The following RNF43 variants were observed in gnomAD, a reference collection of about 807,000 sequenced individuals.
RNF43 encodes ring finger protein 43, also known as E3 ubiquitin-protein ligase RNF43.
In RNF43, 37 loss-of-function variants were observed where a neutral mutation model predicts 78.4. The observed-to-expected ratio is 0.47, with a 90% CI of 0.36 to 0.62. The LOEUF is 0.62. Ranked by LOEUF, RNF43 falls within the 20% of genes least tolerant of loss-of-function variation. RNF43 has a pLI of 0.00. For synonymous variants in RNF43, 347 were observed against 395.0 expected, an observed-to-expected ratio of 0.88 and a Z score of 1.44; for missense variants, 774 against 1,007.9, an observed-to-expected ratio of 0.77 and a Z score of 3.14.
Position 58,358,044 on chromosome 17 carries a change from A to T in RNF43, c.1732T>A (p.Ser578Thr), listed in dbSNP as rs2143401879. 6.3e-7 allele frequency: 1 copy of T among 1,590,530 alleles called. No homozygotes were observed. The highest frequency in any genetic ancestry group is 8.6e-7 in the Non-Finnish European group (1 of 1,168,792). Residue 578 changes from serine (S) to threonine (T), a missense_variant, in exon 9 of 10, where the codon TCC becomes ACC. Transcript: ENST00000407977. The surrounding 1 kb of genome is among the most constrained non-coding windows in gnomAD (Gnocchi z 6.2). ...KPGPETGVPQ[S>T]RPPIPRTQPQ... is the part of the protein sequence containing the mutation. ...TGTGTCCGAGGAATAGGAGGCCTGG[A>T]CTGGGGGACTCCGGTTTCTGGGCCA...
intron 2 of RNF43, among the ~76,000 whole-genome samples, chr17:58,404,274 T>C (rs996007808): frequency 6.6e-6 from 1 of 152,216 alleles, no homozygotes; most frequent in African/African-American, 2.4e-5. Context: ...GCAAGATACA[T>C]GTCCCTTTAA....
At chr17:58,398,679 G>GT (rs1973733546) in intron 2 of RNF43, among the ~76,000 whole-genome samples, 1 of 152,256 alleles carries the variant, frequency 6.6e-6, no homozygotes, top group Admixed American at 6.5e-5. Flanking sequence ...GTATTGCTCA[G>GT]TATCTCAAGA....
At chr17:58,405,216 T>G (rs554667287) in intron 2 of RNF43, among the ~76,000 whole-genome samples, 24 of 151,958 alleles carry the variant, frequency 1.6e-4, no homozygotes, top group Admixed American at 9.2e-4. Context: ...TAGCTGGGAC[T>G]ACAGGTGCAT....
Position 58,357,552 on chromosome 17 carries a change from C to T in RNF43, c.2224G>A (p.Glu742Lys), listed in dbSNP as rs773941703. The T allele has an allele frequency of 6.2e-7, 1 of 1,614,220 alleles. No individual in the cohort carries two copies. The highest frequency in any genetic ancestry group is 2.2e-5 in the East Asian group (1 of 44,888). The change falls in exon 9 of 10, where the codon GAG becomes AAG. Residue 742 changes from glutamate (E) to lysine (K), a missense_variant. Transcript: ENST00000407977. This position sits in a 1 kb window ranked among gnomAD's most constrained non-coding sequence, Gnocchi z 4.5. The stretch of plus-strand genomic sequence containing the variant: ...TCAGAACTCCATTCAGAAGGCCCCT[C>T]CCCAGGTGGATGTGGTTCCAGGGGC... ...RQPLEPHPPG[E>K]GPSEWSSDTA... is the part of the protein sequence containing the mutation.
chr17:58,401,823 T>A (rs1366093197), intron 2 of RNF43, among the ~76,000 whole-genome samples: 12 of 144,400 alleles, frequency 8.3e-5, no homozygotes, highest in Admixed American at 6.9e-5. Flanking sequence ...ATTCCTAGCA[T>A]AAAAAAAAAA....
At chr17:58,408,433 AGAAGGTAAGGTCCTTTG>A (rs2143670458) in intron 2 of RNF43, among the ~76,000 whole-genome samples, 1 of 152,332 alleles carries the variant, frequency 6.6e-6, no homozygotes, top group South Asian at 2.1e-4. Flanking sequence ...TTAAGTACTA[AGAAGGTAAGGTCCTTTG>A]GATGCACGCT....
chr17:58,393,274 G>A (rs1223695680), intron 2 of RNF43, among the ~76,000 whole-genome samples: 2 of 152,160 alleles, frequency 1.3e-5, no homozygotes, highest in East Asian at 3.9e-4. Context: ...CAGTATGGTG[G>A]CAGATGCCTG....
At position 58,355,252 on chromosome 17, in the gene RNF43, G is replaced by A. The variant is rs532106750; in HGVS notation, c.2309-266C>T. Among the ~76,000 whole-genome samples the A allele has an allele frequency of 6.6e-5, 10 of 152,324 alleles. No homozygotes were observed. In the South Asian group the frequency reaches 1.7e-3, roughly 25 times the overall value. ...TTCACCCAATAAATATTAAGGATTC[G>A]TTGTGAATTTGGTCTGCTACCACGT... On this transcript the variant is annotated intron_variant, in intron 9 of 9. Coordinates refer to ENST00000407977, the MANE Select transcript of RNF43 (RefSeq NM_017763.6).
chr17:58,366,111 A>G (rs1441097095), intron 3 of RNF43, among the ~76,000 whole-genome samples: 1 of 152,216 alleles, frequency 6.6e-6, no homozygotes, highest in Non-Finnish European at 1.5e-5. Flanking sequence ...AGCTCATAAT[A>G]TAGTTGTGGA....
chr17:58,369,131 C>T (rs1273573473), intron 3 of RNF43, among the ~76,000 whole-genome samples: 1 of 152,170 alleles, frequency 6.6e-6, no homozygotes, highest in Non-Finnish European at 1.5e-5. Flanking sequence ...GCAGTACAGG[C>T]ACTGGGAACT....
At chr17:58,405,710 G>GAAAGA (rs1973894048) in intron 2 of RNF43, among the ~76,000 whole-genome samples, 1 of 134,380 alleles carries the variant, frequency 7.4e-6, no homozygotes, top group Non-Finnish European at 1.6e-5. Flanking sequence ...CAGAAAGAAA[G>GAAAGA]AAAGAAAGAA....
chr17:58,397,044 T>TAA (rs35034609), intron 2 of RNF43, among the ~76,000 whole-genome samples: 1 of 127,836 alleles, frequency 7.8e-6, no homozygotes, highest in Non-Finnish European at 1.7e-5. Flanking sequence ...AGCTTAGAAA[T>TAA]AAAAAAAAAA....
intron 9 of RNF43, among the ~76,000 whole-genome samples, chr17:58,355,503 A>C (rs1025686401): frequency 5.9e-5 from 9 of 152,210 alleles, no homozygotes; most frequent in Non-Finnish European, 1.2e-4. Flanking sequence ...ATTTATGGGA[A>C]TAGAGAAGGC....
chr17:58,357,976 T>G lies in RNF43; in HGVS notation c.1800A>C (p.Arg600Ser), dbSNP rs2143399548. 1 of 1,609,428 alleles carries G rather than the reference T, an allele frequency of 6.2e-7. No homozygotes were observed. Among genetic ancestry groups the G allele is most frequent in the Admixed American group, 1.7e-5 (1 of 59,230 alleles). The change falls in exon 9 of 10, where the codon AGA (arginine) becomes AGC (serine). Residue 600 changes from arginine (R) to serine (S), a missense_variant. Physicochemically the swap from Arg to Ser is moderately radical, Grantham distance 110. Transcript: ENST00000407977. The surrounding 1 kb of genome is among the most constrained non-coding windows in gnomAD (Gnocchi z 4.5). ...GCCCCGAAGGGGCTGCTGAGTTGGA[T>G]CTGGTGACTTGCTGATCAGGAGAAG... ...EPPSPDQQVT[R>S]SNSAAPSGRL...
chr17:58,354,850 TG>T lies in RNF43; in HGVS notation c.*92del. On this transcript the variant is annotated 3_prime_UTR_variant, in exon 10 of 10. Coordinates refer to ENST00000407977, the MANE Select transcript of RNF43 (RefSeq NM_017763.6). ...ACGGCAAAAAGAATGGTGTTTGCTG[TG>T]GTCCTTTCCTTTCCCAGGAGCAGGA... 8.9e-7 allele frequency: 1 copy of T among 1,118,904 alleles called. No individual in the cohort carries two copies. Among genetic ancestry groups the T allele is most frequent in the Non-Finnish European group, 1.4e-6 (1 of 730,574 alleles). 69.3% of individuals were successfully genotyped at this position (1,118,904 alleles called of 1,614,324 possible).
chr17:58,405,754 GAAAGAAAGAAAA>G (rs1286762400), intron 2 of RNF43, among the ~76,000 whole-genome samples: 18 of 148,946 alleles, frequency 1.2e-4, no homozygotes, highest in African/African-American at 4.0e-4. Context: ...AAGAAAGAAA[GAAAGAAAGAAAA>G]AGAGAAAATA....
chr17:58,384,359 TGA>T (rs1214396220), intron 2 of RNF43, among the ~76,000 whole-genome samples: 2 of 152,164 alleles, frequency 1.3e-5, no homozygotes, highest in Non-Finnish European at 2.9e-5. Flanking sequence ...ATTCCTGGGT[TGA>T]GAGTTCACAG....
chr17:58,388,641 A>G (rs1435156487), intron 2 of RNF43, among the ~76,000 whole-genome samples: 1 of 152,246 alleles, frequency 6.6e-6, no homozygotes, highest in Admixed American at 6.5e-5. Context: ...ATGGTGGTAC[A>G]AAACGACATT....
At chr17:58,374,023 G>T (rs1306672278) in intron 2 of RNF43, among the ~76,000 whole-genome samples, 1 of 152,050 alleles carries the variant, frequency 6.6e-6, no homozygotes, top group Non-Finnish European at 1.5e-5. Flanking sequence ...TAAATACTGT[G>T]GGCCAGTGAT....
Sources: gnomAD v4.1 joint callset for allele counts (sites outside exome capture counted in the v4.1 genomes callset) on GRCh38, gnomAD v4.1.1 for gene constraint, Gnocchi (gnomAD v3.1) non-coding constraint, MANE v1.5 for transcripts, NCBI Gene and HGNC (gene_info 2026-07-23, HGNC 2026-07-21) for gene names.